QKI: variants seen among roughly 807,000 people sequenced by gnomAD.
QKI encodes KH domain-containing RNA-binding protein QKI.
QKI carries 10 observed loss-of-function variants against 39.0 expected under a neutral mutation model. That is an observed-to-expected ratio of 0.26 (90% CI 0.16 to 0.43). The LOEUF is 0.43. Among genes scored for constraint, QKI ranks in the 20% least tolerant of loss-of-function variants. The pLI, the probability that QKI is intolerant of heterozygous loss-of-function variation, is 1.00. For missense variants in QKI, 218 were observed against 428.0 expected (o/e 0.51, Z 4.33); for synonymous variants, 204 against 155.4 (o/e 1.31, Z -2.33).
At chr6:163,459,833 A>G (rs1791214284) in intron 2 of QKI, among the ~76,000 whole-genome samples, 1 of 152,240 alleles carries the variant, frequency 6.6e-6, no homozygotes, top group Non-Finnish European at 1.5e-5. Context: ...TCATGCATTC[A>G]TGAAACTACA....
intron 1 of QKI, among the ~76,000 whole-genome samples, chr6:163,452,382 T>C (rs1419767738): frequency 6.6e-6 from 1 of 152,162 alleles, no homozygotes; most frequent in Admixed American, 6.5e-5. Context: ...GTGATATATC[T>C]TAGAGACTGA....
chr6:163,494,303 A>C (rs374018507), intron 3 of QKI, among the ~76,000 whole-genome samples: 2 of 152,228 alleles, frequency 1.3e-5, no homozygotes, highest in Non-Finnish European at 2.9e-5. Context: ...GTACCTTCCT[A>C]TATCAGTGAC....
intron 1 of QKI, among the ~76,000 whole-genome samples, chr6:163,450,996 A>G (rs1487840989): frequency 1.3e-5 from 2 of 152,212 alleles, no homozygotes; most frequent in Non-Finnish European, 2.9e-5. Context: ...TCTGTGCTCT[A>G]TAAAATTACG....
chr6:163,520,745 A>T (rs1249196606), intron 3 of QKI, among the ~76,000 whole-genome samples: 2 of 152,232 alleles, frequency 1.3e-5, no homozygotes, highest in African/African-American at 4.8e-5. Flanking sequence ...GGAAGTGAAA[A>T]TAATTCAGTA....
chr6:163,437,263 C>G (rs1043300333), intron 1 of QKI, among the ~76,000 whole-genome samples: 10 of 152,046 alleles, frequency 6.6e-5, no homozygotes, highest in Non-Finnish European at 1.2e-4. Context: ...TATACATAAG[C>G]TATATATGTA....
chr6:163,518,743 G>C (rs1221517357), intron 3 of QKI, among the ~76,000 whole-genome samples: 1 of 152,170 alleles, frequency 6.6e-6, no homozygotes, highest in African/African-American at 2.4e-5. Context: ...ATGAACTGCA[G>C]ACATAGAGGT....
intron 3 of QKI, among the ~76,000 whole-genome samples, chr6:163,507,798 A>G (rs1038614156): frequency 6.6e-6 from 1 of 152,222 alleles, no homozygotes; most frequent in Non-Finnish European, 1.5e-5. Context: ...GAATCAGGAT[A>G]CAGTTTAAAA....
At chr6:163,499,706 C>T (rs1280218661) in intron 3 of QKI, among the ~76,000 whole-genome samples, 4 of 152,198 alleles carry the variant, frequency 2.6e-5, no homozygotes, top group South Asian at 4.1e-4. Flanking sequence ...ATGTTCTACC[C>T]ACCCGCCACC....
chr6:163,545,790 A>G (rs981357301), intron 4 of QKI, among the ~76,000 whole-genome samples: 5 of 151,380 alleles, frequency 3.3e-5, no homozygotes, highest in Admixed American at 1.3e-4. Context: ...TTGCAAATGT[A>G]AAAAAAAGGG....
At chr6:163,558,574 A>AT (rs1197501257) in intron 4 of QKI, among the ~76,000 whole-genome samples, 1 of 151,844 alleles carries the variant, frequency 6.6e-6, no homozygotes, top group Non-Finnish European at 1.5e-5. Context: ...TAATTTTTGT[A>AT]TTTTTAGTAG....
chr6:163,507,363 A>G (rs1465790308), intron 3 of QKI, among the ~76,000 whole-genome samples: 1 of 152,226 alleles, frequency 6.6e-6, no homozygotes, highest in Non-Finnish European at 1.5e-5. Context: ...ACTCTAAAAT[A>G]TGCACGATAA....
At position 163,504,158 on chromosome 6, in the gene QKI, C is replaced by A. The variant is rs946518198; in HGVS notation, c.402+25262C>A. Among the ~76,000 whole-genome samples, 8 of 152,092 alleles carry A rather than the reference C, an allele frequency of 5.3e-5. No homozygotes were observed. In the East Asian group the frequency reaches 1.5e-3, roughly 29 times the overall value. On this transcript the variant is annotated intron_variant, in intron 3 of 7. Coordinates refer to ENST00000361752, the MANE Select transcript of QKI (RefSeq NM_006775.3). ...GGGATCTGTTCCCCATTGCTTATTTCTGTCAAAATTCAGATGGCTGTAGAT... is the reference window on the plus strand; with the variant it reads ...GGGATCTGTTCCCCATTGCTTATTTATGTCAAAATTCAGATGGCTGTAGAT...
intron 1 of QKI, among the ~76,000 whole-genome samples, chr6:163,450,941 A>G (rs1308591201): frequency 6.6e-6 from 1 of 152,200 alleles, no homozygotes; most frequent in Non-Finnish European, 1.5e-5. Context: ...TTCATCAAGT[A>G]GTAGATAAAG....
At chr6:163,427,777 G>A (rs1267702403) in intron 1 of QKI, among the ~76,000 whole-genome samples, 1 of 152,046 alleles carries the variant, frequency 6.6e-6, no homozygotes, top group Non-Finnish European at 1.5e-5. Flanking sequence ...TAAGCACGAA[G>A]GGTAGGGAAA....
chr6:163,434,324 T>C (rs959424637), intron 1 of QKI, among the ~76,000 whole-genome samples: 5 of 152,244 alleles, frequency 3.3e-5, no homozygotes, highest in African/African-American at 4.8e-5. Flanking sequence ...ATCCCTCTTA[T>C]GACGGGCTTA....
intron 1 of QKI, among the ~76,000 whole-genome samples, chr6:163,425,823 A>C (rs2757588): frequency 0.32 from 48,194 of 152,034 alleles, 8,082 homozygotes; most frequent in Middle Eastern, 0.41. Flanking sequence ...ATATGAGCTA[A>C]AGACAATTGA....
At position 163,514,935 on chromosome 6, in the gene QKI, C is replaced by G. The variant is rs538066138; in HGVS notation, c.403-20047C>G. Among the ~76,000 whole-genome samples, 16 of 152,242 alleles carry G rather than the reference C, an allele frequency of 1.1e-4. No individual in the cohort carries two copies. The East Asian group carries it at 3.1e-3, about 29-fold the overall frequency. ...TTAAAAATCCTTTTTATGCAAAAGA[C>G]ACCATACCCCATTTAAAAGACAAGC... On this transcript the variant is annotated intron_variant, in intron 3 of 7. Transcript: ENST00000361752.
chr6:163,467,185 GC>G (rs1257824533), intron 2 of QKI, among the ~76,000 whole-genome samples: 1 of 152,188 alleles, frequency 6.6e-6, no homozygotes, highest in Non-Finnish European at 1.5e-5. Context: ...GCGTGTACAT[GC>G]GTGGGCACAG....
At chr6:163,551,190 C>A (rs1782217908) in intron 4 of QKI, among the ~76,000 whole-genome samples, 1 of 152,148 alleles carries the variant, frequency 6.6e-6, no homozygotes, top group Admixed American at 6.6e-5. Flanking sequence ...GATCTATGGT[C>A]ATCAAAATTT....
Sources: gnomAD v4.1 joint callset for allele counts (sites outside exome capture counted in the v4.1 genomes callset) on GRCh38, gnomAD v4.1.1 for gene constraint, MANE v1.5 for transcripts, NCBI Gene and HGNC (gene_info 2026-07-23, HGNC 2026-07-21) for gene names.